Variants in TM9SF4 observed in about 807,000 individuals in gnomAD.
The protein encoded by TM9SF4 is transmembrane 9 superfamily member 4, also known as dinucleotide oxidase disulfide thiol exchanger 3 superfamily member 4.
TM9SF4 carries 26 observed loss-of-function variants against 90.4 expected under a neutral mutation model. The ratio of observed to expected loss-of-function variants is 0.29; its 90% confidence interval spans 0.21 to 0.40. The LOEUF (loss-of-function observed/expected upper bound fraction) is 0.40. Ranked by LOEUF, TM9SF4 falls within the 10% of genes least tolerant of loss-of-function variation. The pLI is 1.00. For missense variants in TM9SF4, 549 were observed against 834.8 expected, an observed-to-expected ratio of 0.66 and a Z score of 4.22; for synonymous variants, 293 against 315.4, an observed-to-expected ratio of 0.93 and a Z score of 0.75.
chr20:32,153,481 G>A (rs911105458), intron 12 of TM9SF4, among the ~76,000 whole-genome samples: 1 of 152,242 alleles, frequency 6.6e-6, no homozygotes, highest in South Asian at 2.1e-4. Context: ...GGTTGTGGTG[G>A]CTTGTGCCTC....
At chr20:32,115,659 T>C (rs2046207198) in intron 1 of TM9SF4, among the ~76,000 whole-genome samples, 1 of 152,156 alleles carries the variant, frequency 6.6e-6, no homozygotes, top group African/African-American at 2.4e-5. Flanking sequence ...GAATCTGGGC[T>C]AGACTCCCAG....
intron 6 of TM9SF4, among the ~76,000 whole-genome samples, chr20:32,144,233 C>T (rs756754071): frequency 6.6e-6 from 1 of 152,170 alleles, no homozygotes; most frequent in Non-Finnish European, 1.5e-5. Context: ...CGTGAGCCAC[C>T]GCGCCCAGCT....
chr20:32,124,885 C>G (rs1237107044), intron 1 of TM9SF4, among the ~76,000 whole-genome samples: 2 of 152,174 alleles, frequency 1.3e-5, no homozygotes. Flanking sequence ...CCGCACCCAG[C>G]CCTACAAATT....
intron 15 of TM9SF4, 24 bp downstream of exon 15, chr20:32,158,538 C>T (rs761743626): frequency 1.2e-6 from 2 of 1,613,280 alleles, no homozygotes; most frequent in Non-Finnish European, 8.5e-7. Context: ...CCTCCCCCAC[C>T]CCTCCACCCA....
chr20:32,151,562 G>GT (rs2046841674), intron 12 of TM9SF4, among the ~76,000 whole-genome samples: 2 of 152,250 alleles, frequency 1.3e-5, no homozygotes. Context: ...AGCTCAGGCT[G>GT]TATCAGTTCT....
chr20:32,137,127 C>T (rs913568059), intron 3 of TM9SF4: 4 of 444,200 alleles, frequency 9.0e-6, no homozygotes, highest in African/African-American at 8.0e-5. Context: ...AGATTGGCCT[C>T]AGAGCCTGGG....
intron 1 of TM9SF4, among the ~76,000 whole-genome samples, chr20:32,127,824 G>A (rs1180422137): frequency 6.6e-6 from 1 of 152,188 alleles, no homozygotes; most frequent in African/African-American, 2.4e-5. Context: ...TAGAACTGCA[G>A]TAACTGCTTA....
At chr20:32,128,382 C>CCCG (rs2046454170) in intron 1 of TM9SF4, among the ~76,000 whole-genome samples, 1 of 152,182 alleles carries the variant, frequency 6.6e-6, no homozygotes, top group East Asian at 1.9e-4. Flanking sequence ...AACTTTAACT[C>CCCG]AGGGAACTTG....
chr20:32,126,176 C>T (rs972093292), intron 1 of TM9SF4, among the ~76,000 whole-genome samples: 2 of 151,540 alleles, frequency 1.3e-5, no homozygotes, highest in Non-Finnish European at 2.9e-5. Flanking sequence ...CCTGAGTCTC[C>T]TCACTGCACT....
intron 6 of TM9SF4, among the ~76,000 whole-genome samples, chr20:32,144,865 A>G (rs961423357): frequency 6.6e-6 from 1 of 152,194 alleles, no homozygotes; most frequent in African/African-American, 2.4e-5. Context: ...GTGAGCTATG[A>G]TTGTGCCATT....
chr20:32,130,877 T>C (rs2046499877), intron 1 of TM9SF4, among the ~76,000 whole-genome samples: 1 of 152,204 alleles, frequency 6.6e-6, no homozygotes, highest in Non-Finnish European at 1.5e-5. Flanking sequence ...CTAGTTGCTT[T>C]TAAAAAGCCT....
Position 32,141,813 on chromosome 20 carries a change from A to G in TM9SF4, c.446A>G (p.Asn149Ser), listed in dbSNP as rs774518370. 9 of 1,614,120 alleles carry G rather than the reference A, an allele frequency of 5.6e-6. No homozygotes were observed. In the South Asian group the frequency reaches 8.8e-5, roughly 16 times the overall value. The change falls in exon 5 of 18, where the codon AAC becomes AGC. Residue 149 changes from asparagine to serine, a missense_variant. Physicochemically the swap from Asn to Ser is conservative, Grantham distance 46. This residue lies in a region of TM9SF4 where 495 missense variants were observed against 711.7 expected (regional missense o/e 0.70). Transcript: ENST00000398022. ...GCCACCCGGCTGGAGCTCTACTCCA[A>G]CCGAGACAGCGATGACAAGAAGAAG... ...PVATRLELYSNRDSDDKKKEK... is the reference protein window; with the variant it reads ...PVATRLELYSSRDSDDKKKEK...
chr20:32,139,960 T>C lies in TM9SF4; in HGVS notation c.230-1537T>C, dbSNP rs56673500. 7.6e-4 allele frequency among the ~76,000 whole-genome samples: 116 copies of C among 152,274 alleles called. 3 individuals carry two copies. In the East Asian group the frequency reaches 0.022, roughly 29 times the overall value. The stretch of plus-strand genomic sequence containing the variant: ...CCCACTCCCCTGTGTCTGCAGCAAG[T>C]TATATATTCTCATTTTGCTGATTAT... On this transcript the variant is annotated intron_variant, in intron 3 of 17. Transcript: ENST00000398022.
intron 17 of TM9SF4, 22 bp from the exon 18 acceptor site, chr20:32,165,270 GTCT>G (rs755312108): frequency 1.9e-6 from 3 of 1,613,664 alleles, no homozygotes; most frequent in African/African-American, 2.7e-5. Flanking sequence ...CATGCACCCT[GTCT>G]TCTTTCTGCT....
intron 13 of TM9SF4, 25 bp downstream of exon 13, chr20:32,155,211 G>T: frequency 6.3e-7 from 1 of 1,594,930 alleles, no homozygotes; most frequent in Non-Finnish European, 8.6e-7. Flanking sequence ...TACCCTTCCA[G>T]CCCCTCCCCA....
chr20:32,148,663 C>CTT (rs1234035990), intron 9 of TM9SF4, among the ~76,000 whole-genome samples: 1,395 of 120,072 alleles, frequency 0.012, 54 homozygotes, highest in African/African-American at 0.045. Flanking sequence ...AATATTACAG[C>CTT]TTTTTTTTTT....
At chr20:32,119,892 G>T (rs572271650) in intron 1 of TM9SF4, among the ~76,000 whole-genome samples, 184 of 152,190 alleles carry the variant, frequency 1.2e-3, no homozygotes, top group Non-Finnish European at 2.2e-3. Context: ...AGTGGTCCAA[G>T]CACTATGTTT....
At position 32,147,479 on chromosome 20, in the gene TM9SF4, A is replaced by G. The variant is rs558278734; in HGVS notation, c.954+624A>G. 2.7e-4 allele frequency among the ~76,000 whole-genome samples: 41 copies of G among 152,314 alleles called. No individual in the cohort carries two copies. In the East Asian group the frequency reaches 7.7e-3, roughly 29 times the overall value. ...TACATAAACAAAACAGAAGGCCACA[A>G]TGGCAAACAATATCTGCAACAAACT... On this transcript the variant is annotated intron_variant, in intron 9 of 17. Transcript: ENST00000398022.
At chr20:32,131,011 C>A (rs970254195) in intron 1 of TM9SF4, among the ~76,000 whole-genome samples, 2 of 152,110 alleles carry the variant, frequency 1.3e-5, no homozygotes, top group East Asian at 3.9e-4. Flanking sequence ...ATAAAAAGTT[C>A]TTTTAAAAAA....
Sources: allele counts gnomAD v4.1 joint callset (sites outside exome capture counted in the v4.1 genomes callset), GRCh38; gene constraint gnomAD v4.1.1; regional missense constraint gnomAD v4.1.1; transcripts MANE v1.5; gene names NCBI Gene and HGNC (gene_info 2026-07-23, HGNC 2026-07-21).